Variants in ARMC2 observed in about 807,000 individuals in gnomAD.
ARMC2 encodes armadillo repeat-containing protein 2.
In ARMC2, 67 loss-of-function variants were observed where a neutral mutation model predicts 90.3. The ratio of observed to expected loss-of-function variants is 0.74; its 90% confidence interval spans 0.61 to 0.91. The LOEUF (loss-of-function observed/expected upper bound fraction) is 0.91. Ranked by LOEUF, ARMC2 falls within the 40% of genes least tolerant of loss-of-function variation. ARMC2 has a pLI of 0.00. For missense variants in ARMC2, 920 were observed against 1,030.9 expected (o/e 0.89, Z 1.47); for synonymous variants, 393 against 393.0 (o/e 1.00, Z 0.00).
the ARMC2 span, among the ~76,000 whole-genome samples, chr6:108,989,175 G>A: frequency 6.6e-6 from 1 of 151,954 alleles, no homozygotes; most frequent in South Asian, 2.1e-4. Flanking sequence ...GCCAATTTTT[G>A]TATTTTTAGT....
rs1774322661 is a variant in ARMC2 at position 108,854,404 on chromosome 6, T to G, written c.137T>G (p.Phe46Cys). 5 of 1,613,172 alleles carry G rather than the reference T, an allele frequency of 3.1e-6. No individual in the cohort carries two copies. Among genetic ancestry groups the G allele is most frequent in the Non-Finnish European group, 4.2e-6 (5 of 1,179,724 alleles). The change falls in exon 2 of 18, where the codon TTT becomes TGT. Residue 46 changes from phenylalanine (F) to cysteine (C), a missense_variant. Coordinates refer to ENST00000392644, the MANE Select transcript of ARMC2 (RefSeq NM_032131.6). ...ALRTVRTQRP[F>C]TPQEAQRKLF... ...AGAACAGTTAGAACCCAAAGACCAT[T>G]TACACCACAGGAGGCTCAAAGAAAA...
chr6:108,928,167 T>C lies in ARMC2; in HGVS notation c.1430T>C (p.Leu477Pro), dbSNP rs1055309547. The change falls in exon 11 of 18, where the codon CTC becomes CCC. Residue 477 changes from leucine (L) to proline (P), a missense_variant. Coordinates refer to ENST00000392644, the MANE Select transcript of ARMC2 (RefSeq NM_032131.6). ...KFLNISALPQ[L>P]CTAMEQYKGD... ...CTAAACATCAGTGCCCTTCCCCAGC[T>C]CTGCACGGCAATGGAACAGTACAAG... 1.1e-5 allele frequency: 17 copies of C among 1,613,108 alleles called. No homozygotes were observed. In the African/African-American group the frequency reaches 2.1e-4, roughly 20 times the overall value.
the ARMC2 span, among the ~76,000 whole-genome samples, chr6:108,981,958 G>A: frequency 6.6e-6 from 1 of 152,084 alleles, no homozygotes; most frequent in African/African-American, 2.4e-5. Context: ...TGAGCCACCT[G>A]TGCCCTGCTG....
chr6:108,896,372 T>C (rs1228903169), intron 6 of ARMC2, among the ~76,000 whole-genome samples: 1 of 152,244 alleles, frequency 6.6e-6, no homozygotes, highest in Non-Finnish European at 1.5e-5. Context: ...AAATATTAGA[T>C]TGTTGCCCAA....
At chr6:108,856,863 A>G (rs1173365054) in intron 2 of ARMC2, 2 of 152,256 alleles carry the variant, frequency 1.3e-5, no homozygotes, top group Non-Finnish European at 2.9e-5. Context: ...CCTTTGTCAA[A>G]TATCAGTTGA....
chr6:108,938,967 T>G (rs1776209796), intron 12 of ARMC2, among the ~76,000 whole-genome samples: 1 of 152,126 alleles, frequency 6.6e-6, no homozygotes, highest in Non-Finnish European at 1.5e-5. Context: ...TTTGAGTAAC[T>G]AAATGTCCTA....
At chr6:108,969,534 G>A (rs1778613896) in intron 17 of ARMC2, among the ~76,000 whole-genome samples, 1 of 152,116 alleles carries the variant, frequency 6.6e-6, no homozygotes, top group Admixed American at 6.5e-5. Context: ...CACACTGCAG[G>A]TCAGGAAAAC....
At chr6:108,971,920 CAAA>C (rs1205056763) in intron 17 of ARMC2, among the ~76,000 whole-genome samples, 5 of 73,654 alleles carry the variant, frequency 6.8e-5, no homozygotes, top group Admixed American at 3.1e-4. Context: ...GAGTCCATCT[CAAA>C]AAAAAAAAAA....
In ARMC2 at chr6:108,874,951, GT is replaced by G. The variant is rs1776794588; in HGVS notation, c.464-1187del. Among the ~76,000 whole-genome samples, 4 of 152,218 alleles carry G rather than the reference GT, an allele frequency of 2.6e-5. No homozygotes were observed. In the South Asian group the frequency reaches 8.3e-4, roughly 32 times the overall value. On this transcript the variant is annotated intron_variant, in intron 4 of 17. Transcript: ENST00000392644. ...AGAATAGGTGGTTTTGTTATTATTAGTTTTTATTGGTTTGTTGGTTTCTTAG... is the reference window on the plus strand; with the variant it reads ...AGAATAGGTGGTTTTGTTATTATTAGTTTTATTGGTTTGTTGGTTTCTTAG...
At chr6:108,960,634 A>G (rs1777927453) in intron 13 of ARMC2, among the ~76,000 whole-genome samples, 1 of 152,244 alleles carries the variant, frequency 6.6e-6, no homozygotes, top group Non-Finnish European at 1.5e-5. Flanking sequence ...TGCTATGGAG[A>G]AAATTAAAGC....
At chr6:109,050,973 G>A in the ARMC2 span, among the ~76,000 whole-genome samples, 122 of 152,268 alleles carry the variant, frequency 8.0e-4, 1 homozygote, top group Non-Finnish European at 1.1e-3. Flanking sequence ...CGTTTGTTAT[G>A]GTTAAAGTTG....
rs774219496 is a variant in ARMC2, at chr6:108,912,549, G to C, written c.1341G>C (p.Leu447Phe). 4.3e-6 allele frequency: 7 copies of C among 1,611,166 alleles called. No homozygotes were observed. The Admixed American group carries it at 1.2e-4, about 27-fold the overall frequency. Residue 447 changes from leucine to phenylalanine, a missense_variant, in exon 10 of 18, where the codon TTG (leucine) becomes TTC (phenylalanine). Physicochemically the swap from Leu to Phe is conservative, Grantham distance 22 (BLOSUM62 0). Coordinates refer to ENST00000392644, the MANE Select transcript of ARMC2 (RefSeq NM_032131.6). Reference protein sequence around the residue: ...CGTFLPNSGHLLVQVTATLRN... With the variant: ...CGTFLPNSGHFLVQVTATLRN... ...CATTTTTGCCTAATTCGGGCCACTT[G>C]CTAGTCCAGGTAAGTATTTTACTTG... is the stretch of plus-strand genomic sequence containing the variant.
At chr6:109,001,316 A>AAC in the ARMC2 span, 1 of 1,613,774 alleles carries the variant, frequency 6.2e-7, no homozygotes, top group Non-Finnish European at 8.5e-7. Flanking sequence ...ACGATAATGT[A>AAC]GGGGTAACGG....
At chr6:108,856,616 G>T in intron 2 of ARMC2, 1 of 192,328 alleles carries the variant, frequency 5.2e-6, no homozygotes, top group Non-Finnish European at 1.1e-5. Flanking sequence ...CTTGTCTGAC[G>T]CTTTGACAGC....
rs115099979 is a variant in ARMC2, at chr6:108,864,212, C to T, written c.292-4612C>T. 4.0e-3 allele frequency among the ~76,000 whole-genome samples: 612 copies of T among 151,384 alleles called. 2 individuals are homozygous for T. Among genetic ancestry groups the T allele is most frequent in the African/African-American group, 0.014 (574 of 41,242 alleles). ...AATAGAAATGCACACAGAACTGCCG[C>T]GTCACAAAGGTTCTGTGCTTGTGTG... On this transcript the variant is annotated intron_variant, in intron 3 of 17. Transcript: ENST00000392644.
At chr6:108,992,657 A>G in the ARMC2 span, 1 of 678,302 alleles carries the variant, frequency 1.5e-6, no homozygotes, top group Non-Finnish European at 2.6e-6. Flanking sequence ...TTCACCTTTT[A>G]TTCTGAAACA....
At chr6:109,021,405 A>G in the ARMC2 span, among the ~76,000 whole-genome samples, 2 of 152,166 alleles carry the variant, frequency 1.3e-5, no homozygotes, top group African/African-American at 4.8e-5. Flanking sequence ...GAGTAGGGGA[A>G]AAGTTTGGAG....
the ARMC2 span, among the ~76,000 whole-genome samples, chr6:109,014,823 A>AC: frequency 6.6e-6 from 1 of 152,086 alleles, no homozygotes; most frequent in East Asian, 1.9e-4. Context: ...TCCTCACATG[A>AC]CCCCCGTTTC....
chr6:108,983,879 AT>A, the ARMC2 span, among the ~76,000 whole-genome samples: 5 of 152,234 alleles, frequency 3.3e-5, no homozygotes, highest in South Asian at 1.0e-3. Flanking sequence ...TTTCTTAGTA[AT>A]GCTTTACAGC....
Sources: gnomAD v4.1 joint callset for allele counts (sites outside exome capture counted in the v4.1 genomes callset) on GRCh38, gnomAD v4.1.1 for gene constraint, MANE v1.5 for transcripts, NCBI Gene and HGNC (gene_info 2026-07-23, HGNC 2026-07-21) for gene names.